ATRNL1: variants seen among roughly 807,000 people sequenced by gnomAD.
ATRNL1 encodes the protein attractin like 1, also known as attractin-like protein 1.
In ATRNL1, 95 loss-of-function variants were observed where a neutral mutation model predicts 182.7. The ratio of observed to expected loss-of-function variants is 0.52; its 90% confidence interval spans 0.44 to 0.62. The LOEUF (loss-of-function observed/expected upper bound fraction) is 0.62, where lower values mean the gene tolerates loss of function less well. Ranked by LOEUF, ATRNL1 falls within the 20% of genes least tolerant of loss-of-function variation. The probability of loss-of-function intolerance (pLI) is 0.00; values close to 1 mark genes in which losing one functional copy is unlikely to be tolerated. For missense variants in ATRNL1, 1,471 were observed against 1,679.5 expected, an observed-to-expected ratio of 0.88 and a Z score of 2.17; for synonymous variants, 576 against 568.3, an observed-to-expected ratio of 1.01 and a Z score of -0.19.
chr10:115,336,240 G>T (rs889759620), intron 19 of ATRNL1, among the ~76,000 whole-genome samples: 2 of 152,140 alleles, frequency 1.3e-5, no homozygotes, highest in African/African-American at 4.8e-5. Flanking sequence ...CAGGAGTTAT[G>T]TTCATATGGA....
chr10:115,378,644 T>C (rs558769820), intron 19 of ATRNL1, among the ~76,000 whole-genome samples: 3 of 152,254 alleles, frequency 2.0e-5, no homozygotes, highest in Non-Finnish European at 2.9e-5. Context: ...GGAGCTGAGA[T>C]TGGGGACCTG....
chr10:115,907,822 G>T (rs1952549308), intron 28 of ATRNL1, among the ~76,000 whole-genome samples: 1 of 152,018 alleles, frequency 6.6e-6, no homozygotes, highest in South Asian at 2.1e-4. Flanking sequence ...TCTGATGAAG[G>T]TCTTAAAGGC....
intron 26 of ATRNL1, among the ~76,000 whole-genome samples, chr10:115,709,797 A>G (rs1947010089): frequency 6.6e-6 from 1 of 152,038 alleles, no homozygotes; most frequent in South Asian, 2.1e-4. Flanking sequence ...TTTGTCTCAC[A>G]GACATCTGAA....
intron 28 of ATRNL1, among the ~76,000 whole-genome samples, chr10:115,904,917 G>T (rs1275818466): frequency 2.0e-5 from 3 of 152,162 alleles, no homozygotes; most frequent in African/African-American, 7.2e-5. Flanking sequence ...TCAGTGCCAG[G>T]TACTGGGGTT....
chr10:115,560,953 G>A (rs568553657), intron 26 of ATRNL1, among the ~76,000 whole-genome samples: 38 of 152,252 alleles, frequency 2.5e-4, no homozygotes, highest in African/African-American at 8.9e-4. Flanking sequence ...GTAGCCACAA[G>A]CAAAAGAGTG....
chr10:115,701,532 A>G (rs921601622), intron 26 of ATRNL1, among the ~76,000 whole-genome samples: 1 of 152,006 alleles, frequency 6.6e-6, no homozygotes, highest in Non-Finnish European at 1.5e-5. Flanking sequence ...TTGGAAGTAT[A>G]AATAAGATTG....
intron 26 of ATRNL1, among the ~76,000 whole-genome samples, chr10:115,706,477 T>C (rs1325406735): frequency 6.6e-6 from 1 of 151,812 alleles, no homozygotes; most frequent in African/African-American, 2.4e-5. Context: ...TGGAGATTTT[T>C]TGGGGGTGGG....
chr10:115,815,316 A>C (rs892518618), intron 27 of ATRNL1, among the ~76,000 whole-genome samples: 3 of 151,992 alleles, frequency 2.0e-5, no homozygotes, highest in Non-Finnish European at 4.4e-5. Flanking sequence ...TATTCTGTTC[A>C]TGTGTTAATA....
intron 21 of ATRNL1, among the ~76,000 whole-genome samples, chr10:115,427,978 G>A (rs1845981349): frequency 6.6e-6 from 1 of 151,178 alleles, no homozygotes; most frequent in Admixed American, 6.6e-5. Context: ...TTTGTTTTGT[G>A]ATTTTGTTTA....
rs114203698 is a variant in ATRNL1 at position 115,836,523 on chromosome 10, A to G, written c.3904-11354A>G. Reference sequence around the variant, plus strand: ...ACCCTGAGGGAGAGTTTTTCCGTGCACCTCCCCTCGCTTCTGGCGTTGCCT... The same window carrying G: ...ACCCTGAGGGAGAGTTTTTCCGTGCGCCTCCCCTCGCTTCTGGCGTTGCCT... On this transcript the variant is annotated intron_variant, in intron 27 of 28. Transcript: ENST00000355044. 2.6e-5 allele frequency among the ~76,000 whole-genome samples: 4 copies of G among 151,748 alleles called. No individual in the cohort carries two copies. The East Asian group carries it at 7.8e-4, about 30-fold the overall frequency.
At chr10:115,533,619 T>C (rs1171274522) in intron 25 of ATRNL1, among the ~76,000 whole-genome samples, 2 of 152,176 alleles carry the variant, frequency 1.3e-5, no homozygotes, top group African/African-American at 4.8e-5. Flanking sequence ...TCTGCTTTGA[T>C]TTTAGTTATT....
intron 27 of ATRNL1, among the ~76,000 whole-genome samples, chr10:115,821,681 C>T (rs1053835930): frequency 7.2e-5 from 11 of 152,106 alleles, no homozygotes; most frequent in South Asian, 2.1e-4. Context: ...TCAAAAAAGA[C>T]AAAGAAGGGC....
At chr10:115,818,831 G>A (rs2960664) in intron 27 of ATRNL1, among the ~76,000 whole-genome samples, 1 of 151,886 alleles carries the variant, frequency 6.6e-6, no homozygotes, top group South Asian at 2.1e-4. Flanking sequence ...TGAGTCCTAC[G>A]CTTGTCCCAG....
intron 26 of ATRNL1, among the ~76,000 whole-genome samples, chr10:115,658,233 C>CT (rs1397527080): frequency 6.6e-6 from 1 of 150,930 alleles, no homozygotes; most frequent in Non-Finnish European, 1.5e-5. Flanking sequence ...GTAGCTAGGA[C>CT]TACAGGCACC....
chr10:115,157,276 A>G (rs1473705428), intron 5 of ATRNL1, among the ~76,000 whole-genome samples: 2 of 152,050 alleles, frequency 1.3e-5, no homozygotes, highest in East Asian at 3.9e-4. Context: ...CCTTAAGTGT[A>G]GATATTAGTA....
chr10:115,149,049 T>C (rs1225106747), intron 5 of ATRNL1, among the ~76,000 whole-genome samples: 2 of 152,086 alleles, frequency 1.3e-5, no homozygotes, highest in Non-Finnish European at 2.9e-5. Context: ...GTTGGTTTTA[T>C]AGAGGGGCTT....
intron 28 of ATRNL1, among the ~76,000 whole-genome samples, chr10:115,941,823 T>C (rs1484500984): frequency 5.3e-5 from 8 of 152,350 alleles, no homozygotes; most frequent in Admixed American, 2.6e-4. Flanking sequence ...TTCAGCTCCA[T>C]TAATTAAACA....
At chr10:115,624,097 GTATT>G (rs1193214637) in intron 26 of ATRNL1, among the ~76,000 whole-genome samples, 6 of 151,940 alleles carry the variant, frequency 3.9e-5, no homozygotes, top group Non-Finnish European at 8.8e-5. Context: ...CTGAATTTAT[GTATT>G]TATTTTTTAA....
chr10:115,766,301 A>C (rs191544492), intron 27 of ATRNL1, among the ~76,000 whole-genome samples: 181 of 152,308 alleles, frequency 1.2e-3, no homozygotes, highest in Non-Finnish European at 2.3e-3. Context: ...CAACCTTGAC[A>C]CTACTGACAT....
Sources: allele counts gnomAD v4.1 joint callset (sites outside exome capture counted in the v4.1 genomes callset), GRCh38; gene constraint gnomAD v4.1.1; transcripts MANE v1.5; gene names NCBI Gene and HGNC (gene_info 2026-07-23, HGNC 2026-07-21).